Variants in NALF1 observed in about 807,000 individuals in gnomAD.
NALF1 encodes family with sequence similarity 155 member A.
In NALF1, 3 loss-of-function variants were observed where a neutral mutation model predicts 48.4. That is an observed-to-expected ratio of 0.06 (90% confidence interval 0.03 to 0.16). The LOEUF (loss-of-function observed/expected upper bound fraction) is 0.16, where lower values mean the gene tolerates loss of function less well. Ranked by LOEUF, NALF1 falls within the 10% of genes least tolerant of loss-of-function variation. The pLI, the probability that NALF1 is intolerant of heterozygous loss-of-function variation, is 1.00. For synonymous variants in NALF1, 262 were observed against 245.7 expected (o/e 1.07, Z -0.62); for missense variants, 526 against 571.5 (o/e 0.92, Z 0.81).
intron 1 of NALF1, among the ~76,000 whole-genome samples, chr13:107,310,293 C>T (rs2138902803): frequency 6.6e-6 from 1 of 151,814 alleles, no homozygotes; most frequent in South Asian, 2.1e-4. Flanking sequence ...ACTTGTAATC[C>T]TAGCTGCTTG....
intron 1 of NALF1, among the ~76,000 whole-genome samples, chr13:107,452,166 G>C (rs1884752236): frequency 6.6e-6 from 1 of 152,020 alleles, no homozygotes; most frequent in African/African-American, 2.4e-5. Flanking sequence ...CTTAGCCCAG[G>C]ATGCCTCAAC....
At chr13:107,751,001 A>G (rs1876921925) in intron 1 of NALF1, among the ~76,000 whole-genome samples, 1 of 152,242 alleles carries the variant, frequency 6.6e-6, no homozygotes, top group Non-Finnish European at 1.5e-5. Context: ...TCTTGACTGA[A>G]TGATAAAACA....
intron 1 of NALF1, among the ~76,000 whole-genome samples, chr13:107,861,972 A>AGAAG (rs1880582442): frequency 6.6e-6 from 1 of 152,202 alleles, no homozygotes; most frequent in African/African-American, 2.4e-5. Context: ...TTTTGGTCAT[A>AGAAG]GTCTGTTATA....
At chr13:107,412,703 G>A (rs1884013041) in intron 1 of NALF1, among the ~76,000 whole-genome samples, 1 of 152,160 alleles carries the variant, frequency 6.6e-6, no homozygotes, top group Admixed American at 6.5e-5. Context: ...TCAGTCAGTT[G>A]TTGCCTCAAG....
At chr13:107,386,605 C>T (rs2138978975) in intron 1 of NALF1, among the ~76,000 whole-genome samples, 1 of 152,270 alleles carries the variant, frequency 6.6e-6, no homozygotes, top group Middle Eastern at 3.4e-3. Context: ...ACTGTGTGAT[C>T]CTTGACAATC....
intron 1 of NALF1, among the ~76,000 whole-genome samples, chr13:107,554,383 G>C (rs1877391926): frequency 6.6e-6 from 1 of 152,192 alleles, no homozygotes; most frequent in South Asian, 2.1e-4. Context: ...TGTGAGGCCT[G>C]AGTCAGAGAA....
chr13:107,578,331 C>T (rs569473499), intron 1 of NALF1, among the ~76,000 whole-genome samples: 2 of 152,192 alleles, frequency 1.3e-5, no homozygotes, highest in South Asian at 2.1e-4. Flanking sequence ...TTAGTCTTGC[C>T]GTGTTGAAAT....
In NALF1 at chr13:107,568,120, C is replaced by A. The variant is rs969280812; in HGVS notation, c.915+297562G>T. 6.6e-5 allele frequency among the ~76,000 whole-genome samples: 10 copies of A among 152,144 alleles called. No individual in the cohort carries two copies. The East Asian group carries it at 1.9e-3, about 29-fold the overall frequency. On this transcript the variant is annotated intron_variant, in intron 1 of 2. Transcript: ENST00000375915. Reference sequence around the variant, plus strand: ...AGCCTCCGGAGTAGCTGGCACATCACGCATGCACCACCATGCCTGGCTAAT... The same window carrying A: ...AGCCTCCGGAGTAGCTGGCACATCAAGCATGCACCACCATGCCTGGCTAAT...
At chr13:107,769,070 GA>G (rs1211591938) in intron 1 of NALF1, among the ~76,000 whole-genome samples, 1 of 149,614 alleles carries the variant, frequency 6.7e-6, no homozygotes, top group Non-Finnish European at 1.5e-5. Context: ...GGAGAAATAG[GA>G]ACACTTTTAC....
At chr13:107,337,088 A>G (rs1882575173) in intron 1 of NALF1, among the ~76,000 whole-genome samples, 2 of 149,248 alleles carry the variant, frequency 1.3e-5, no homozygotes, top group South Asian at 2.1e-4. Context: ...TGTCAGAAGA[A>G]AAGAGACTCT....
In NALF1 at chr13:107,165,979, T is replaced by C. The variant is rs1410041587; in HGVS notation, c.*4518A>G. 1 of 152,244 alleles carries C rather than the reference T, an allele frequency of 6.6e-6. No homozygotes were observed. The highest frequency in any genetic ancestry group is 1.5e-5 in the Non-Finnish European group (1 of 68,232). The allele number at this position is 152,244 out of a possible 1,614,324, so 9.4% of individuals were successfully genotyped here. A position where few individuals can be genotyped will look rare whatever the true frequency, so the allele number is the denominator to read the frequency against. ...ATGTGCTGTTATGGACTACATAATG[T>C]TTTGGTTGAAGTTTTATTTGCAAGC... On this transcript the variant is annotated 3_prime_UTR_variant, in exon 3 of 3. Transcript: ENST00000375915.
chr13:107,762,665 G>C (rs146005014), intron 1 of NALF1, among the ~76,000 whole-genome samples: 3 of 152,100 alleles, frequency 2.0e-5, no homozygotes, highest in Admixed American at 6.6e-5. Flanking sequence ...GTGGTTGCAC[G>C]GGCTGGAGGG....
intron 1 of NALF1, among the ~76,000 whole-genome samples, chr13:107,324,783 T>G (rs954228522): frequency 6.6e-6 from 1 of 152,232 alleles, no homozygotes; most frequent in African/African-American, 2.4e-5. Flanking sequence ...AAAGAAATTA[T>G]AATTCATTAC....
At chr13:107,584,827 C>A (rs1047543028) in intron 1 of NALF1, among the ~76,000 whole-genome samples, 2 of 152,178 alleles carry the variant, frequency 1.3e-5, no homozygotes, top group African/African-American at 4.8e-5. Flanking sequence ...TTCCTCCCAA[C>A]ACAGTCCTTC....
At chr13:107,689,130 G>C (rs1881509116) in intron 1 of NALF1, among the ~76,000 whole-genome samples, 1 of 152,188 alleles carries the variant, frequency 6.6e-6, no homozygotes, top group South Asian at 2.1e-4. Flanking sequence ...CCAGGGAGAA[G>C]TCACCCTGCC....
intron 2 of NALF1, among the ~76,000 whole-genome samples, chr13:107,200,509 A>C (rs182862683): frequency 1.0e-3 from 153 of 152,356 alleles, no homozygotes; most frequent in African/African-American, 3.5e-3. Flanking sequence ...CGATGAATGC[A>C]CAGACTCTTT....
intron 1 of NALF1, among the ~76,000 whole-genome samples, chr13:107,754,925 T>C (rs2138555987): frequency 6.6e-6 from 1 of 152,334 alleles, no homozygotes; most frequent in Non-Finnish European, 1.5e-5. Context: ...CTTCTTTTCA[T>C]GTTTTCCTCG....
intron 1 of NALF1, among the ~76,000 whole-genome samples, chr13:107,569,436 C>T (rs1877917832): frequency 6.6e-6 from 1 of 151,744 alleles, no homozygotes; most frequent in Admixed American, 6.6e-5. Flanking sequence ...GGCGCCACCG[C>T]ACTCCAGCCT....
intron 1 of NALF1, among the ~76,000 whole-genome samples, chr13:107,303,876 T>C (rs1396263390): frequency 1.3e-5 from 2 of 152,220 alleles, no homozygotes; most frequent in African/African-American, 4.8e-5. Flanking sequence ...ACTGTATTTT[T>C]AGTAACTATG....
Sources: allele counts gnomAD v4.1 joint callset (sites outside exome capture counted in the v4.1 genomes callset), GRCh38; gene constraint gnomAD v4.1.1; transcripts MANE v1.5; gene names NCBI Gene and HGNC (gene_info 2026-07-23, HGNC 2026-07-21).